Variants in SCAI observed in about 807,000 individuals in gnomAD.
SCAI encodes protein SCAI.
A neutral mutation model predicts 92.2 loss-of-function variants in SCAI; 24 were observed. That is an observed-to-expected ratio of 0.26 (90% CI 0.19 to 0.37). The LOEUF (loss-of-function observed/expected upper bound fraction) is 0.37. Ranked by LOEUF, SCAI falls within the 10% of genes least tolerant of loss-of-function variation. The pLI, the probability that SCAI is intolerant of heterozygous loss-of-function variation, is 1.00. For missense variants in SCAI, 450 were observed against 736.2 expected, an observed-to-expected ratio of 0.61 and a Z score of 4.50; for synonymous variants, 261 against 258.6, an observed-to-expected ratio of 1.01 and a Z score of -0.09.
intron 14 of SCAI, among the ~76,000 whole-genome samples, chr9:124,984,993 T>A (rs1181255808): frequency 6.6e-6 from 1 of 152,156 alleles, no homozygotes; most frequent in Non-Finnish European, 1.5e-5. Flanking sequence ...GCAACTTGAA[T>A]TTGGGTTTTG....
chr9:125,017,352 T>TA (rs1332584280), intron 9 of SCAI, among the ~76,000 whole-genome samples: 4 of 151,810 alleles, frequency 2.6e-5, no homozygotes, highest in Admixed American at 6.6e-5. Flanking sequence ...TTCTTTGAAT[T>TA]AAAAAAAAGT....
chr9:125,051,474 G>A (rs1013722426), intron 3 of SCAI, among the ~76,000 whole-genome samples: 39 of 152,190 alleles, frequency 2.6e-4, no homozygotes, highest in African/African-American at 9.2e-4. Flanking sequence ...AGAAAGATAC[G>A]ACTCTATACC....
rs1245223351 is a variant in SCAI at position 125,091,939 on chromosome 9, G to A, written c.99-35932C>T. Among the ~76,000 whole-genome samples the A allele has an allele frequency of 6.6e-6, 1 of 151,672 alleles. No homozygotes were observed. Among genetic ancestry groups the A allele is most frequent in the African/African-American group, 2.4e-5 (1 of 41,286 alleles). ...ATCCTGGCTAACACGATGAAACCCC[G>A]TCTCTACCAAAAATAAAAAAATAAA... On this transcript the variant is annotated intron_variant, in intron 2 of 17. Transcript: ENST00000336505. The surrounding 1 kb of genome is among the most constrained non-coding windows in gnomAD (Gnocchi z 4.3).
At chr9:125,054,071 C>A (rs1420915475) in intron 3 of SCAI, among the ~76,000 whole-genome samples, 1 of 152,112 alleles carries the variant, frequency 6.6e-6, no homozygotes, top group African/African-American at 2.4e-5. Flanking sequence ...ATCTCCTGGG[C>A]TTGAGCAATC....
At chr9:124,962,439 G>A (rs950424659) in intron 17 of SCAI, among the ~76,000 whole-genome samples, 1 of 152,124 alleles carries the variant, frequency 6.6e-6, no homozygotes, top group Non-Finnish European at 1.5e-5. Flanking sequence ...GGGATTACAG[G>A]TGTGAGCTAC....
At chr9:125,005,809 T>C (rs906351561) in intron 9 of SCAI, among the ~76,000 whole-genome samples, 1 of 152,146 alleles carries the variant, frequency 6.6e-6, no homozygotes, top group African/African-American at 2.4e-5. Flanking sequence ...CAAAAAGATA[T>C]GGCCTCAGAG....
intron 9 of SCAI, 164 bp from the exon 10 acceptor site, chr9:125,003,734 G>A (rs373312414): frequency 7.1e-5 from 42 of 593,098 alleles, no homozygotes; most frequent in African/African-American, 1.9e-4. Flanking sequence ...TGGAAAGACT[G>A]GAAGAATTCT....
intron 2 of SCAI, among the ~76,000 whole-genome samples, chr9:125,118,826 C>G (rs1270238935): frequency 8.5e-5 from 13 of 152,124 alleles, no homozygotes; most frequent in Admixed American, 6.6e-4. Context: ...CTGTGTTAGT[C>G]TGCTGAGGAT....
At chr9:125,111,629 G>GTT (rs1361599044) in intron 2 of SCAI, among the ~76,000 whole-genome samples, 1 of 151,636 alleles carries the variant, frequency 6.6e-6, no homozygotes, top group Non-Finnish European at 1.5e-5. Flanking sequence ...CAAGACAACT[G>GTT]TTCTTCTTCC....
chr9:125,035,592 A>C (rs972270573), intron 3 of SCAI, among the ~76,000 whole-genome samples: 1 of 152,190 alleles, frequency 6.6e-6, no homozygotes, highest in Middle Eastern at 3.2e-3. Flanking sequence ...AAATGGAGAT[A>C]ATAATAATAG....
At chr9:125,063,095 AC>A (rs1311767811) in intron 2 of SCAI, among the ~76,000 whole-genome samples, 14 of 128,088 alleles carry the variant, frequency 1.1e-4, no homozygotes, top group African/African-American at 4.0e-4. Flanking sequence ...TTTAATTATA[AC>A]CCCCCACCCC....
At chr9:125,108,350 C>T (rs1407808265) in intron 2 of SCAI, among the ~76,000 whole-genome samples, 1 of 150,846 alleles carries the variant, frequency 6.6e-6, no homozygotes, top group East Asian at 2.0e-4. Flanking sequence ...AAGTGAGGAG[C>T]GCCTCTTCCC....
intron 2 of SCAI, among the ~76,000 whole-genome samples, chr9:125,056,303 T>C (rs1833664576): frequency 6.6e-6 from 1 of 151,980 alleles, no homozygotes; most frequent in African/African-American, 2.4e-5. Context: ...TTGTCTCTAC[T>C]AAAAATACAA....
intron 3 of SCAI, among the ~76,000 whole-genome samples, chr9:125,047,245 A>G (rs1312337224): frequency 6.6e-6 from 1 of 152,174 alleles, no homozygotes; most frequent in Non-Finnish European, 1.5e-5. Context: ...GGACATACAA[A>G]GAGGCGCCAG....
At chr9:125,135,962 C>T (rs1170307717) in intron 2 of SCAI, among the ~76,000 whole-genome samples, 1 of 130,108 alleles carries the variant, frequency 7.7e-6, no homozygotes, top group Non-Finnish European at 1.6e-5. Flanking sequence ...AGCAAAACTC[C>T]ATCTCAAACA....
intron 9 of SCAI, among the ~76,000 whole-genome samples, chr9:125,007,091 C>A (rs1166087762): frequency 6.6e-6 from 1 of 151,992 alleles, no homozygotes; most frequent in Non-Finnish European, 1.5e-5. Context: ...TGCATGCTAG[C>A]CTGGGTGACA....
chr9:125,086,917 TA>T (rs1334785756), intron 2 of SCAI, among the ~76,000 whole-genome samples: 1 of 152,196 alleles, frequency 6.6e-6, no homozygotes, highest in Non-Finnish European at 1.5e-5. Flanking sequence ...AGAATGTATG[TA>T]AAGTGTTTAG....
At chr9:125,050,303 CA>C (rs111339145) in intron 3 of SCAI, among the ~76,000 whole-genome samples, 32 of 151,988 alleles carry the variant, frequency 2.1e-4, no homozygotes, top group African/African-American at 6.8e-4. Context: ...GGATAGCAAC[CA>C]AAAAAACCTT....
intron 2 of SCAI, among the ~76,000 whole-genome samples, chr9:125,070,397 CTTTTTT>C (rs34011891): frequency 4.2e-5 from 5 of 118,294 alleles, no homozygotes; most frequent in East Asian, 5.2e-4. Flanking sequence ...TAAAAACAAT[CTTTTTT>C]TTTTTTTTTT....
Sources: gnomAD v4.1 joint callset for allele counts (sites outside exome capture counted in the v4.1 genomes callset) on GRCh38, gnomAD v4.1.1 for gene constraint, Gnocchi (gnomAD v3.1) non-coding constraint, MANE v1.5 for transcripts, NCBI Gene and HGNC (gene_info 2026-07-23, HGNC 2026-07-21) for gene names.